The following MAP3K7CL variants were observed in gnomAD, a reference collection of about 807,000 sequenced individuals.
MAP3K7CL encodes MAP3K7 C-terminal-like protein.
Under a neutral mutation model 18.6 loss-of-function variants are expected in MAP3K7CL, and 16 were observed. That is an observed-to-expected ratio of 0.86 (90% CI 0.58 to 1.31). The LOEUF (loss-of-function observed/expected upper bound fraction) is 1.31. Among genes scored for constraint, MAP3K7CL ranks in the 50% most tolerant of loss-of-function variants. The pLI is 0.00. For synonymous variants in MAP3K7CL, 65 were observed against 66.8 expected (o/e 0.97, Z 0.13); for missense variants, 163 against 174.4 (o/e 0.93, Z 0.37).
intron 4 of MAP3K7CL, among the ~76,000 whole-genome samples, chr21:29,170,424 CAGAT>C (rs1205736006): frequency 6.6e-6 from 1 of 152,094 alleles, no homozygotes; most frequent in Non-Finnish European, 1.5e-5. Context: ...AAATTAATGA[CAGAT>C]AGCTTCAGGA....
At chr21:29,173,080 T>C (rs550745217) in intron 4 of MAP3K7CL, among the ~76,000 whole-genome samples, 3 of 152,298 alleles carry the variant, frequency 2.0e-5, no homozygotes, top group Admixed American at 6.5e-5. Flanking sequence ...AGCAATGTTA[T>C]TACTACTTTA....
At chr21:29,081,518 G>A (rs1038794028), upstream of MAP3K7CL, among the ~76,000 whole-genome samples, 5 of 152,118 alleles carry the variant, frequency 3.3e-5, no homozygotes, top group South Asian at 4.1e-4. Flanking sequence ...GCGCCACTGC[G>A]CTCCAGCCCA....
chr21:29,114,335 C>CT (rs35933388), intron 4 of MAP3K7CL, among the ~76,000 whole-genome samples: 67,914 of 151,680 alleles, frequency 0.45, 15,393 homozygotes, highest in East Asian at 0.64. Flanking sequence ...TCCCAAAGTG[C>CT]TGGGATTACG....
upstream of MAP3K7CL, among the ~76,000 whole-genome samples, chr21:29,081,377 G>A (rs989306112): frequency 3.9e-5 from 6 of 152,184 alleles, no homozygotes; most frequent in African/African-American, 1.4e-4. Context: ...GTGAAACCCT[G>A]TCTCTACTAA....
intron 3 of MAP3K7CL, among the ~76,000 whole-genome samples, chr21:29,154,857 AC>A (rs1274264467): frequency 6.6e-6 from 1 of 152,234 alleles, no homozygotes; most frequent in Non-Finnish European, 1.5e-5. Flanking sequence ...ATATATAGAT[AC>A]TTTGGAGCTT....
At chr21:29,130,514 C>A (rs368756088), upstream of MAP3K7CL, 2 of 770,128 alleles carry the variant, frequency 2.6e-6, no homozygotes, top group Non-Finnish European at 3.2e-6. Context: ...TCTTGTGAAG[C>A]AAGTCTGTTT....
chr21:29,134,354 A>G (rs1329668954), intron 2 of MAP3K7CL, among the ~76,000 whole-genome samples: 1 of 152,076 alleles, frequency 6.6e-6, no homozygotes, highest in African/African-American at 2.4e-5. Context: ...CCTCATCTCT[A>G]TTTTAAAAAA....
At chr21:29,103,456 C>T (rs751874872) in intron 4 of MAP3K7CL, among the ~76,000 whole-genome samples, 7 of 152,008 alleles carry the variant, frequency 4.6e-5, no homozygotes, top group African/African-American at 1.2e-4. Context: ...TACAGTCAGA[C>T]GCGGTGGCTC....
At chr21:29,095,817 C>T (rs553753690) in intron 4 of MAP3K7CL, among the ~76,000 whole-genome samples, 1 of 152,244 alleles carries the variant, frequency 6.6e-6, no homozygotes, top group South Asian at 2.1e-4. Context: ...GTCCAGGGAC[C>T]ACACTTTGAG....
intron 3 of MAP3K7CL, among the ~76,000 whole-genome samples, chr21:29,154,045 T>C (rs569124653): frequency 6.6e-6 from 1 of 152,320 alleles, no homozygotes; most frequent in African/African-American, 2.4e-5. Flanking sequence ...TTGGCCTGGA[T>C]TTGGATCTCA....
chr21:29,158,114 C>T (rs1316459959), intron 3 of MAP3K7CL, among the ~76,000 whole-genome samples: 1 of 152,140 alleles, frequency 6.6e-6, no homozygotes, highest in Non-Finnish European at 1.5e-5. Flanking sequence ...TAACAGGGCA[C>T]AGATGATTCA....
intron 1 of MAP3K7CL, among the ~76,000 whole-genome samples, chr21:29,087,829 G>A (rs1175842811): frequency 2.0e-5 from 3 of 151,920 alleles, no homozygotes; most frequent in African/African-American, 4.8e-5. Flanking sequence ...TCCTGACCTC[G>A]TGATCCGCCC....
intron 4 of MAP3K7CL, among the ~76,000 whole-genome samples, chr21:29,101,095 G>C (rs992289688): frequency 6.6e-6 from 1 of 151,550 alleles, no homozygotes; most frequent in African/African-American, 2.4e-5. Context: ...GCTACCGCGC[G>C]TGGCCGCAAA....
At chr21:29,085,728 G>A, upstream of MAP3K7CL, 1 of 799,988 alleles carries the variant, frequency 1.3e-6, no homozygotes, top group Non-Finnish European at 2.1e-6. Context: ...AACATTAATT[G>A]AATGCCAACG....
intron 4 of MAP3K7CL, among the ~76,000 whole-genome samples, chr21:29,124,842 AT>A (rs2086656635): frequency 6.6e-6 from 1 of 152,228 alleles, no homozygotes; most frequent in African/African-American, 2.4e-5. Context: ...GGAGTCATCC[AT>A]CCATTTGCAT....
chr21:29,125,072 C>A (rs1174585779), intron 4 of MAP3K7CL, among the ~76,000 whole-genome samples: 1 of 152,182 alleles, frequency 6.6e-6, no homozygotes, highest in Non-Finnish European at 1.5e-5. Flanking sequence ...TCTTCTGAAT[C>A]TAGGTACCCT....
chr21:29,100,795 CTCCA>C (rs1166691204), intron 4 of MAP3K7CL, among the ~76,000 whole-genome samples: 1 of 148,096 alleles, frequency 6.8e-6, no homozygotes, highest in East Asian at 2.0e-4. Flanking sequence ...TCACTGCAAG[CTCCA>C]CCTCCTGGGT....
At chr21:29,108,303 A>G (rs9978566) in intron 4 of MAP3K7CL, among the ~76,000 whole-genome samples, 7,766 of 152,252 alleles carry the variant, frequency 0.051, 459 homozygotes, top group East Asian at 0.16. Flanking sequence ...ACATAGCAAG[A>G]AGGTGGTTGT....
intron 4 of MAP3K7CL, among the ~76,000 whole-genome samples, chr21:29,105,984 T>C (rs1224487700): frequency 6.6e-6 from 1 of 152,158 alleles, no homozygotes; most frequent in Non-Finnish European, 1.5e-5. Context: ...GTTCCTGGCC[T>C]TTTCTTCACA....
Sources: allele counts gnomAD v4.1 joint callset (sites outside exome capture counted in the v4.1 genomes callset), GRCh38; gene constraint gnomAD v4.1.1; transcripts MANE v1.5; gene names NCBI Gene and HGNC (gene_info 2026-07-23, HGNC 2026-07-21).